Variants in THNSL1 observed in about 807,000 individuals in gnomAD.
THNSL1 encodes the protein threonine synthase like 1.
Under a neutral mutation model 50.4 loss-of-function variants are expected in THNSL1, and 48 were observed. That is an observed-to-expected ratio of 0.95 (90% CI 0.76 to 1.21). The LOEUF is 1.21. Ranked by LOEUF, THNSL1 falls within the 50% of genes most tolerant of loss-of-function variation. The probability of loss-of-function intolerance (pLI) is 0.00; values close to 1 mark genes in which losing one functional copy is unlikely to be tolerated. For missense variants in THNSL1, 896 were observed against 871.7 expected, an observed-to-expected ratio of 1.03 and a Z score of -0.35; for synonymous variants, 309 against 306.1, an observed-to-expected ratio of 1.01 and a Z score of -0.10.
chr10:24,984,964 G>A, the THNSL1 span: 4 of 1,315,978 alleles, frequency 3.0e-6, no homozygotes, highest in Non-Finnish European at 4.3e-6. Flanking sequence ...AAAGGAAATG[G>A]GAAAAGCTAA....
chr10:24,976,496 T>C, the THNSL1 span, among the ~76,000 whole-genome samples: 1 of 151,960 alleles, frequency 6.6e-6, no homozygotes, highest in South Asian at 2.1e-4. Context: ...CTTTTTCTTT[T>C]GTTTTTTTTT....
chr10:24,958,821 T>C, the THNSL1 span, among the ~76,000 whole-genome samples: 1 of 152,206 alleles, frequency 6.6e-6, no homozygotes, highest in African/African-American at 2.4e-5. Flanking sequence ...GTTTCAGAGA[T>C]ATCCTCCCAC....
chr10:24,984,286 G>A, the THNSL1 span: 1 of 1,453,648 alleles, frequency 6.9e-7, no homozygotes, highest in Middle Eastern at 1.8e-4. Context: ...CAATGTGTTG[G>A]AGACAGTTTA....
At chr10:24,977,821 T>C in the THNSL1 span, among the ~76,000 whole-genome samples, 3 of 152,234 alleles carry the variant, frequency 2.0e-5, no homozygotes, top group Non-Finnish European at 4.4e-5. Flanking sequence ...ACATTAGTTG[T>C]CTCAGGAAAG....
chr10:24,963,681 A>G, the THNSL1 span, among the ~76,000 whole-genome samples: 1 of 152,210 alleles, frequency 6.6e-6, no homozygotes, highest in Non-Finnish European at 1.5e-5. Context: ...AAAAATTTTG[A>G]CATTAAAAGC....
At chr10:24,998,751 G>T in the THNSL1 span, among the ~76,000 whole-genome samples, 1 of 151,810 alleles carries the variant, frequency 6.6e-6, no homozygotes, top group African/African-American at 2.4e-5. Context: ...CTCCATAACT[G>T]GGATCAAGTA....
chr10:25,020,575 T>C (rs1850700025), intron 1 of THNSL1, among the ~76,000 whole-genome samples: 2 of 152,000 alleles, frequency 1.3e-5, no homozygotes, highest in African/African-American at 4.8e-5. Flanking sequence ...GAGATCAGTC[T>C]GGGCAACATG....
At chr10:24,968,959 C>T in the THNSL1 span, among the ~76,000 whole-genome samples, 1 of 152,142 alleles carries the variant, frequency 6.6e-6, no homozygotes, top group South Asian at 2.1e-4. Context: ...ACTGGTGTGA[C>T]CTCTGCTCAC....
the THNSL1 span, among the ~76,000 whole-genome samples, chr10:24,957,019 G>A: frequency 7.9e-5 from 12 of 152,102 alleles, no homozygotes; most frequent in South Asian, 6.2e-4. Flanking sequence ...CTCAAAATCC[G>A]TGGAAAAATT....
chr10:24,990,803 G>A, the THNSL1 span, among the ~76,000 whole-genome samples: 3 of 152,140 alleles, frequency 2.0e-5, no homozygotes, highest in Non-Finnish European at 2.9e-5. Flanking sequence ...TTAAAATGGA[G>A]TTGTTATTGC....
At chr10:24,957,252 C>T in the THNSL1 span, among the ~76,000 whole-genome samples, 2 of 152,168 alleles carry the variant, frequency 1.3e-5, no homozygotes, top group Non-Finnish European at 2.9e-5. Flanking sequence ...GAGATCATGT[C>T]GTATTTGCCT....
the THNSL1 span, chr10:24,995,795 G>T: frequency 6.2e-6 from 10 of 1,614,010 alleles, no homozygotes; most frequent in Non-Finnish European, 8.5e-6. Context: ...TTTCCACTCT[G>T]TATTCCCATG....
In THNSL1 at chr10:25,025,010, G is replaced by C. The variant is rs754987326; in HGVS notation, c.1787G>C (p.Ser596Thr). The change falls in exon 3 of 3, where the codon AGT (serine) becomes ACT (threonine). Residue 596 changes from serine to threonine, a missense_variant. Transcript: ENST00000376356. ...ACAGAATTATTTAATCGATTAGAAA[G>C]TCAGCATCATTTCCAGATAGAAAAG... ...LMTELFNRLESQHHFQIEKAL... is the reference protein window; with the variant it reads ...LMTELFNRLETQHHFQIEKAL... The C allele has an allele frequency of 3.1e-6, 5 of 1,614,142 alleles. No individual in the cohort carries two copies. Among genetic ancestry groups the C allele is most frequent in the Non-Finnish European group, 4.2e-6 (5 of 1,179,966 alleles).
chr10:24,996,011 C>T, the THNSL1 span: 2 of 648,050 alleles, frequency 3.1e-6, no homozygotes, highest in Non-Finnish European at 2.4e-6. Context: ...GAAGTTTATG[C>T]TTACCCCCAA....
chr10:25,004,728 A>C, the THNSL1 span, among the ~76,000 whole-genome samples: 1 of 151,910 alleles, frequency 6.6e-6, no homozygotes, highest in Non-Finnish European at 1.5e-5. Flanking sequence ...TACTCTGTTG[A>C]TGGTTTCTTT....
the THNSL1 span, among the ~76,000 whole-genome samples, chr10:24,972,065 A>G: frequency 0.044 from 6,695 of 150,778 alleles, 387 homozygotes; most frequent in African/African-American, 0.13. Context: ...GGTAGCGGGC[A>G]CCTGTAATCC....
chr10:24,964,184 G>A, the THNSL1 span, among the ~76,000 whole-genome samples: 1 of 152,166 alleles, frequency 6.6e-6, no homozygotes, highest in Non-Finnish European at 1.5e-5. Flanking sequence ...ATGGTGGCTG[G>A]GGGTAGAGGG....
chr10:25,023,305 C>T lies in THNSL1; in HGVS notation c.82C>T (p.His28Tyr), dbSNP rs1850761913. The T allele has an allele frequency of 2.5e-6, 4 of 1,614,086 alleles. No homozygotes were observed. The highest frequency in any genetic ancestry group is 3.4e-6 in the Non-Finnish European group (4 of 1,179,982). ...TAGTATACATGTTAAAACGGATAAA[C>T]ATGCACAGCGATTTCTTTCAAGAAC... The part of the protein sequence containing the change: ...FSSIHVKTDK[H>Y]AQRFLSRTFA... Residue 28 changes from histidine (H) to tyrosine (Y), a missense_variant, in exon 3 of 3, where the codon CAT becomes TAT. Coordinates refer to ENST00000376356, the MANE Select transcript of THNSL1 (RefSeq NM_024838.5).
chr10:24,963,593 C>T, the THNSL1 span, among the ~76,000 whole-genome samples: 11 of 152,186 alleles, frequency 7.2e-5, no homozygotes, highest in Non-Finnish European at 1.6e-4. Context: ...TTCTTAGAGA[C>T]ATTACACATG....
Sources: allele counts gnomAD v4.1 joint callset (sites outside exome capture counted in the v4.1 genomes callset), GRCh38; gene constraint gnomAD v4.1.1; transcripts MANE v1.5; gene names NCBI Gene and HGNC (gene_info 2026-07-23, HGNC 2026-07-21).